The following CDC123 variants were observed in gnomAD, a reference collection of about 807,000 sequenced individuals.
The protein encoded by CDC123 is translation initiation factor eIF2 assembly protein.
Under a neutral mutation model 54.4 loss-of-function variants are expected in CDC123, and 37 were observed. The observed-to-expected ratio is 0.68, with a 90% CI of 0.52 to 0.89. The LOEUF is 0.89. CDC123 is among the 40% of genes least tolerant of loss of function. The pLI is 0.00. For synonymous variants in CDC123, 144 were observed against 136.8 expected, an observed-to-expected ratio of 1.05 and a Z score of -0.37; for missense variants, 361 against 412.1, an observed-to-expected ratio of 0.88 and a Z score of 1.07.
chr10:12,213,657 A>G (rs1486914370), intron 4 of CDC123, among the ~76,000 whole-genome samples: 7 of 152,090 alleles, frequency 4.6e-5, no homozygotes, highest in Non-Finnish European at 8.8e-5. Flanking sequence ...TGATTTTGAT[A>G]GATAATTTAT....
At chr10:12,211,722 C>T in intron 4 of CDC123, among the ~76,000 whole-genome samples, 1 of 152,234 alleles carries the variant, frequency 6.6e-6, no homozygotes, top group East Asian at 1.9e-4. Flanking sequence ...ACAGCAGTTA[C>T]AGCTGAGGGC....
At chr10:12,218,293 C>G (rs1391909927) in intron 6 of CDC123, among the ~76,000 whole-genome samples, 2 of 137,264 alleles carry the variant, frequency 1.5e-5, no homozygotes, top group Non-Finnish European at 3.1e-5. Flanking sequence ...GTCTCCCAGG[C>G]TGGAGTGCAG....
chr10:12,214,083 A>T (rs867732290), intron 4 of CDC123, among the ~76,000 whole-genome samples: 4 of 152,128 alleles, frequency 2.6e-5, no homozygotes, highest in Non-Finnish European at 4.4e-5. Context: ...TTGTTTTAGG[A>T]TTCTTATGGC....
chr10:12,232,682 A>G (rs1228562682), intron 7 of CDC123, among the ~76,000 whole-genome samples: 5 of 152,202 alleles, frequency 3.3e-5, no homozygotes, highest in Non-Finnish European at 5.9e-5. Context: ...ATAACTTTAT[A>G]TAATATAGTC....
At position 12,250,435 on chromosome 10, in the gene CDC123, G is replaced by A. The variant is rs537021683; in HGVS notation, c.*98G>A. On this transcript the variant is annotated 3_prime_UTR_variant, in exon 13 of 13. Coordinates refer to ENST00000281141, the MANE Select transcript of CDC123 (RefSeq NM_006023.3). ...CTGCCGACCCTGATGCGGGTGGGCC[G>A]AGCAGTGTGGACATCAGCCACTTTT... 7.3e-5 allele frequency: 65 copies of A among 892,830 alleles called. No homozygotes were observed. The highest frequency in any genetic ancestry group is 5.7e-4 in the African/African-American group (35 of 61,224). The allele number at this position is 892,830 out of a possible 1,614,324, so 55.3% of individuals were successfully genotyped here.
At chr10:12,227,912 T>G (rs1191195560) in intron 6 of CDC123, among the ~76,000 whole-genome samples, 2 of 152,160 alleles carry the variant, frequency 1.3e-5, no homozygotes, top group South Asian at 2.1e-4. Context: ...AGGATAAAAA[T>G]AATTAGTTAA....
At chr10:12,240,393 A>G (rs1204370099) in intron 10 of CDC123, among the ~76,000 whole-genome samples, 1 of 152,224 alleles carries the variant, frequency 6.6e-6, no homozygotes, top group Non-Finnish European at 1.5e-5. Context: ...ATTGTAAGTG[A>G]GACAGTCATT....
At chr10:12,210,457 C>T (rs908307653) in intron 4 of CDC123, 135 bp downstream of exon 4, 8 of 1,085,912 alleles carry the variant, frequency 7.4e-6, no homozygotes, top group Admixed American at 2.8e-5. Context: ...TGTGGGCTGT[C>T]GTTTTTATTT....
chr10:12,244,949 C>T, intron 10 of CDC123: 1 of 152,524 alleles, frequency 6.6e-6, no homozygotes. Flanking sequence ...GCGGAGGTTG[C>T]AGTGAGCCGA....
chr10:12,235,517 GTTTA>G (rs1433664641), intron 8 of CDC123, among the ~76,000 whole-genome samples: 1 of 152,170 alleles, frequency 6.6e-6, no homozygotes, highest in East Asian at 1.9e-4. Context: ...TTGGGGCACT[GTTTA>G]TTATTCTAGC....
intron 11 of CDC123, among the ~76,000 whole-genome samples, chr10:12,248,800 C>T (rs564924291): frequency 1.8e-4 from 18 of 98,598 alleles, no homozygotes; most frequent in African/African-American, 6.7e-4. Context: ...AGTAAAACTT[C>T]GTCTAAAAAA....
intron 1 of CDC123, among the ~76,000 whole-genome samples, chr10:12,197,751 C>T (rs902621496): frequency 2.6e-5 from 4 of 151,930 alleles, no homozygotes; most frequent in East Asian, 1.9e-4. Context: ...AGTTTTTGCT[C>T]TGTCGCCCAA....
chr10:12,227,102 G>A (rs1213296973), intron 6 of CDC123, among the ~76,000 whole-genome samples: 4 of 152,142 alleles, frequency 2.6e-5, no homozygotes, highest in South Asian at 2.1e-4. Context: ...AAAAAAATAC[G>A]AAAACCAGTC....
At chr10:12,218,593 G>C (rs1835692572) in intron 6 of CDC123, among the ~76,000 whole-genome samples, 1 of 152,110 alleles carries the variant, frequency 6.6e-6, no homozygotes, top group African/African-American at 2.4e-5. Context: ...TGACATCATT[G>C]CGTGTCTAAA....
chr10:12,249,775 G>A, intron 12 of CDC123, 57 bp downstream of exon 12: 1 of 1,530,588 alleles, frequency 6.5e-7, no homozygotes, highest in Non-Finnish European at 8.8e-7. Flanking sequence ...CCTTCAAATT[G>A]GCTTTTATAT....
At chr10:12,216,863 A>G (rs1392443085) in intron 5 of CDC123, among the ~76,000 whole-genome samples, 1 of 152,178 alleles carries the variant, frequency 6.6e-6, no homozygotes, top group Non-Finnish European at 1.5e-5. Context: ...TTAAAGTTGT[A>G]GTGGTTCAGA....
chr10:12,237,151 T>A lies in CDC123; in HGVS notation c.573T>A (p.Ser191=), dbSNP rs1222761052. The part of the protein sequence containing the change: ...FVKENKLIGI[S]QRDYTQYYDH... The stretch of plus-strand genomic sequence containing the variant: ...AAAATATTTTCTTGTCAGGTATTTC[T>A]CAAAGAGACTACACACAATACTATG... The change falls in exon 9 of 13, where the codon TCT becomes TCA. Residue 191 remains serine, a synonymous_variant. Coordinates refer to ENST00000281141, the MANE Select transcript of CDC123 (RefSeq NM_006023.3). 2 of 1,536,440 alleles carry A rather than the reference T, an allele frequency of 1.3e-6. No homozygotes were observed. Among genetic ancestry groups the A allele is most frequent in the African/African-American group, 2.8e-5 (2 of 70,546 alleles).
At chr10:12,198,825 CAT>C in intron 2 of CDC123, 49 bp downstream of exon 2, 1 of 991,290 alleles carries the variant, frequency 1.0e-6, no homozygotes, top group Non-Finnish European at 1.6e-6. Flanking sequence ...TAAAGAAACA[CAT>C]AAAATGAATG....
At chr10:12,203,355 A>G (rs1203943319) in intron 2 of CDC123, among the ~76,000 whole-genome samples, 4 of 152,224 alleles carry the variant, frequency 2.6e-5, no homozygotes, top group Admixed American at 6.5e-5. Flanking sequence ...TGGTTGAATG[A>G]GTGAATGAAC....
Sources: gnomAD v4.1 joint callset for allele counts (sites outside exome capture counted in the v4.1 genomes callset) on GRCh38, gnomAD v4.1.1 for gene constraint, MANE v1.5 for transcripts, NCBI Gene and HGNC (gene_info 2026-07-23, HGNC 2026-07-21) for gene names.